The following DAB1 variants were observed in gnomAD, a reference collection of about 807,000 sequenced individuals.
DAB1 encodes DAB adaptor protein 1, also known as disabled homolog 1.
In DAB1, 15 loss-of-function variants were observed where a neutral mutation model predicts 64.6. The observed-to-expected ratio is 0.23, with a 90% CI of 0.16 to 0.36. The LOEUF is 0.36. Ranked by LOEUF, DAB1 falls within the 10% of genes least tolerant of loss-of-function variation. The pLI is 1.00. For synonymous variants in DAB1, 235 were observed against 251.9 expected (o/e 0.93, Z 0.64); for missense variants, 596 against 706.7 (o/e 0.84, Z 1.78).
At chr1:57,847,314 T>A (rs1372842800) in intron 1 of DAB1, among the ~76,000 whole-genome samples, 2 of 144,504 alleles carry the variant, frequency 1.4e-5, no homozygotes. Flanking sequence ...ATAGCCTAGA[T>A]AGAAGAAAAA....
intron 7 of DAB1, among the ~76,000 whole-genome samples, chr1:57,433,429 T>C (rs1685582701): frequency 6.6e-6 from 1 of 152,038 alleles, no homozygotes; most frequent in Non-Finnish European, 1.5e-5. Context: ...GACAATGCAG[T>C]TCATTGAGGA....
chr1:57,102,222 C>A (rs1431260768), intron 4 of DAB1, among the ~76,000 whole-genome samples: 2 of 151,388 alleles, frequency 1.3e-5, no homozygotes, highest in Non-Finnish European at 2.9e-5. Flanking sequence ...CTGTCTCAGT[C>A]TCTCTCTCTT....
intron 1 of DAB1, among the ~76,000 whole-genome samples, chr1:57,303,809 C>T (rs991396767): frequency 6.6e-6 from 1 of 152,156 alleles, no homozygotes; most frequent in Admixed American, 6.5e-5. Flanking sequence ...CCAAGAGATA[C>T]CCAGGATTCT....
At chr1:57,019,583 G>A (rs1002806110) in intron 11 of DAB1, among the ~76,000 whole-genome samples, 3 of 152,218 alleles carry the variant, frequency 2.0e-5, no homozygotes, top group Admixed American at 6.5e-5. Context: ...TGTGAGTTAA[G>A]GCTGTCTGGC....
chr1:57,392,371 A>AAAC (rs1012446851), intron 1 of DAB1, among the ~76,000 whole-genome samples: 89 of 152,156 alleles, frequency 5.8e-4, no homozygotes, highest in African/African-American at 1.6e-3. Flanking sequence ...GACTGTCTCA[A>AAAC]AACAACAACA....
rs189062537 is a variant in DAB1 at position 57,105,069 on chromosome 1, C to T, written c.306+31474G>A. Among the ~76,000 whole-genome samples, 16 of 152,204 alleles carry T rather than the reference C, an allele frequency of 1.1e-4. No homozygotes were observed. The East Asian group carries it at 2.1e-3, about 20-fold the overall frequency. On this transcript the variant is annotated intron_variant, in intron 4 of 14. Coordinates refer to ENST00000371236, the MANE Select transcript of DAB1 (RefSeq NM_001365792.1). ...CAGCCATGCACAGATGAAGGAAAAA[C>T]AGGGGTGAGGGTAGGAGACGCCAGC...
chr1:57,281,978 T>C (rs954220434), intron 2 of DAB1, among the ~76,000 whole-genome samples: 1 of 151,774 alleles, frequency 6.6e-6, no homozygotes, highest in Non-Finnish European at 1.5e-5. Flanking sequence ...GGTCAGAAGT[T>C]CAAGACCAGC....
chr1:57,188,031 C>T (rs1459822936), intron 2 of DAB1, among the ~76,000 whole-genome samples: 1 of 152,162 alleles, frequency 6.6e-6, no homozygotes, highest in Non-Finnish European at 1.5e-5. Flanking sequence ...GTGCCTGGAA[C>T]ATAGGAAAGA....
At chr1:57,587,351 G>GT (rs971174834) in intron 7 of DAB1, among the ~76,000 whole-genome samples, 5 of 152,104 alleles carry the variant, frequency 3.3e-5, no homozygotes, top group African/African-American at 1.2e-4. Flanking sequence ...CACCTAGAGG[G>GT]TTTTCAAAGC....
intron 6 of DAB1, among the ~76,000 whole-genome samples, chr1:57,755,535 G>A (rs905284676): frequency 1.3e-5 from 2 of 152,124 alleles, no homozygotes; most frequent in African/African-American, 4.8e-5. Flanking sequence ...TTACTCTTGT[G>A]TTAATTTCAC....
chr1:57,701,708 A>T (rs1022925039), intron 6 of DAB1, among the ~76,000 whole-genome samples: 5 of 147,628 alleles, frequency 3.4e-5, no homozygotes, highest in African/African-American at 1.3e-4. Flanking sequence ...ATAATAAAAT[A>T]AAAAAAGAAA....
intron 3 of DAB1, among the ~76,000 whole-genome samples, chr1:58,503,997 A>G (rs1645948136): frequency 6.6e-6 from 1 of 152,170 alleles, no homozygotes; most frequent in Non-Finnish European, 1.5e-5. Flanking sequence ...CTGCTACCAG[A>G]TATCTTGGTC....
At chr1:57,299,490 A>G (rs1321566813) in intron 1 of DAB1, among the ~76,000 whole-genome samples, 7 of 152,214 alleles carry the variant, frequency 4.6e-5, no homozygotes, top group Admixed American at 4.6e-4. Context: ...CATTAAACGA[A>G]TTTATTTGAC....
intron 5 of DAB1, among the ~76,000 whole-genome samples, chr1:58,026,158 G>A (rs764214301): frequency 6.6e-6 from 1 of 152,184 alleles, no homozygotes; most frequent in Non-Finnish European, 1.5e-5. Context: ...CTGACACAAA[G>A]TAAGGTTCAT....
chr1:57,648,117 G>A (rs1188891071), intron 7 of DAB1, among the ~76,000 whole-genome samples: 1 of 152,178 alleles, frequency 6.6e-6, no homozygotes, highest in Non-Finnish European at 1.5e-5. Flanking sequence ...CTCTACCTCA[G>A]AGAATAGCTT....
chr1:58,083,487 A>C (rs1398769013), intron 5 of DAB1, among the ~76,000 whole-genome samples: 1 of 152,242 alleles, frequency 6.6e-6, no homozygotes, highest in African/African-American at 2.4e-5. Context: ...GAATGGACAA[A>C]GGACGAATGA....
At chr1:58,528,546 T>C (rs986598354) in intron 1 of DAB1, among the ~76,000 whole-genome samples, 8 of 152,192 alleles carry the variant, frequency 5.3e-5, no homozygotes, top group Non-Finnish European at 8.8e-5. Context: ...TTTATTACTG[T>C]CATAACTGAG....
intron 2 of DAB1, among the ~76,000 whole-genome samples, chr1:57,237,857 T>G (rs17115424): frequency 0.027 from 4,058 of 152,244 alleles, 167 homozygotes; most frequent in African/African-American, 0.09. Context: ...GGATGATGAA[T>G]TACACATAGA....
At chr1:57,150,343 G>A (rs988116000) in intron 2 of DAB1, among the ~76,000 whole-genome samples, 3 of 152,204 alleles carry the variant, frequency 2.0e-5, no homozygotes, top group Admixed American at 2.0e-4. Flanking sequence ...TGACACTGTT[G>A]TTACTAGCAT....
Sources: gnomAD v4.1 joint callset for allele counts (sites outside exome capture counted in the v4.1 genomes callset) on GRCh38, gnomAD v4.1.1 for gene constraint, MANE v1.5 for transcripts, NCBI Gene and HGNC (gene_info 2026-07-23, HGNC 2026-07-21) for gene names.